Variants in ASCC3 observed in about 807,000 individuals in gnomAD.
The protein encoded by ASCC3 is ASC-1 complex subunit P200.
Under a neutral mutation model 256.3 loss-of-function variants are expected in ASCC3, and 158 were observed. The ratio of observed to expected loss-of-function variants is 0.62; its 90% CI spans 0.54 to 0.70. The LOEUF is 0.70. ASCC3 is among the 30% of genes least tolerant of loss of function. The probability of loss-of-function intolerance (pLI) is 0.00; values close to 1 mark genes in which losing one functional copy is unlikely to be tolerated. For missense variants in ASCC3, 2,259 were observed against 2,626.0 expected, an observed-to-expected ratio of 0.86 and a Z score of 3.05; for synonymous variants, 948 against 883.4, an observed-to-expected ratio of 1.07 and a Z score of -1.30.
chr6:100,848,606 T>C lies in ASCC3; in HGVS notation c.343A>G (p.Ile115Val), dbSNP rs765546342. The change falls in exon 4 of 42, where the codon ATC (isoleucine) becomes GTC (valine). Residue 115 changes from isoleucine (I) to valine (V), a missense_variant. Physicochemically the swap from Ile to Val is conservative, Grantham distance 29. Coordinates refer to ENST00000369162, the MANE Select transcript of ASCC3 (RefSeq NM_006828.4). ...DSVGHKETKA[I>V]KQMFGPFPSS... ...GGAAAGGGGCCAAACATCTGTTTGA[T>C]AGCCTTTGTTTCCTTGTGACCAACA... The C allele has an allele frequency of 1.8e-5, 29 of 1,614,048 alleles. No individual in the cohort carries two copies. The highest frequency in any genetic ancestry group is 8.8e-5 in the South Asian group (8 of 91,082).
At chr6:100,661,755 C>T in intron 16 of ASCC3, 51 bp downstream of exon 16, 2 of 1,559,656 alleles carry the variant, frequency 1.3e-6, no homozygotes, top group Non-Finnish European at 1.8e-6. Context: ...CTTTCTTGGT[C>T]ATTCTTAAGG....
At chr6:100,617,011 G>A (rs1267621842) in intron 30 of ASCC3, among the ~76,000 whole-genome samples, 1 of 151,910 alleles carries the variant, frequency 6.6e-6, no homozygotes, top group Non-Finnish European at 1.5e-5. Context: ...TGTTGTTGTT[G>A]TTGTTGTTGT....
Position 100,679,656 on chromosome 6 carries a change from GA to G in ASCC3, c.2247del (p.Pro750LeufsTer44), listed in dbSNP as rs113743047. 6.2e-7 allele frequency: 1 copy of G among 1,613,480 alleles called. No homozygotes were observed. Among genetic ancestry groups the G allele is most frequent in the Non-Finnish European group, 8.5e-7 (1 of 1,179,678 alleles). ...AKNCGHIPFFFPTQGHDYVLA... is the reference protein window; with the variant it reads ...AKNCGHIPFFXPTQGHDYVLA... Reference sequence around the variant, plus strand: ...AGTACATAGTCATGTCCTTGGGTAGGAAAAAAGAAGGGAATATGGCCACAAT... The same window carrying G: ...AGTACATAGTCATGTCCTTGGGTAGGAAAAAGAAGGGAATATGGCCACAAT... On this transcript the variant is annotated frameshift_variant, in exon 14 of 42. Coordinates refer to ENST00000369162, the MANE Select transcript of ASCC3 (RefSeq NM_006828.4). LOFTEE classifies it high-confidence loss of function.
At chr6:100,518,801 C>T (rs1033308531) in intron 37 of ASCC3, among the ~76,000 whole-genome samples, 3 of 152,036 alleles carry the variant, frequency 2.0e-5, no homozygotes, top group Admixed American at 1.3e-4. Context: ...TAAACAAAGG[C>T]GAAGTTTACA....
intron 4 of ASCC3, among the ~76,000 whole-genome samples, chr6:100,822,311 C>G (rs1771085199): frequency 6.6e-6 from 1 of 152,016 alleles, no homozygotes; most frequent in Non-Finnish European, 1.5e-5. Context: ...CTGAGGCAGG[C>G]AGATCACTTG....
At chr6:100,715,590 T>C in intron 12 of ASCC3, 57 bp from the exon 13 acceptor site, 1 of 1,496,722 alleles carries the variant, frequency 6.7e-7, no homozygotes, top group Admixed American at 1.8e-5. Context: ...ACTTTCTAAC[T>C]ACAAATAAAA....
At chr6:100,836,218 C>T (rs1771867650) in intron 4 of ASCC3, among the ~76,000 whole-genome samples, 2 of 152,020 alleles carry the variant, frequency 1.3e-5, no homozygotes, top group African/African-American at 4.8e-5. Flanking sequence ...TAACTCCTTC[C>T]TTCCCACATT....
At chr6:100,664,457 A>G (rs923826963) in intron 14 of ASCC3, among the ~76,000 whole-genome samples, 1 of 152,034 alleles carries the variant, frequency 6.6e-6, no homozygotes, top group Admixed American at 6.6e-5. Flanking sequence ...AAACCACACC[A>G]TCTAGTGGCC....
At position 100,754,714 on chromosome 6, in the gene ASCC3, G is replaced by C. The variant is rs180768340; in HGVS notation, c.1737+11851C>G. ...TGTTTTGATTTTTAGATCTGATATG[G>C]TATGGCTGTGTCACCACCCAAATCT... On this transcript the variant is annotated intron_variant, in intron 10 of 41. Transcript: ENST00000369162. Among the ~76,000 whole-genome samples the C allele has an allele frequency of 2.5e-3, 383 of 152,084 alleles. 1 individual carries two copies. The highest frequency in any genetic ancestry group is 3.4e-3 in the Middle Eastern group (1 of 294).
chr6:100,864,722 A>G (rs1773398991), intron 2 of ASCC3, among the ~76,000 whole-genome samples: 1 of 152,192 alleles, frequency 6.6e-6, no homozygotes, highest in Non-Finnish European at 1.5e-5. Flanking sequence ...AGACCAGGTG[A>G]GGCATTTGGA....
intron 14 of ASCC3, among the ~76,000 whole-genome samples, chr6:100,672,595 G>A (rs78156066): frequency 5.8e-4 from 89 of 152,188 alleles, no homozygotes; most frequent in Non-Finnish European, 1.0e-3. Context: ...GTTTTCTAGT[G>A]TGTTCACAAA....
At chr6:100,607,349 A>G (rs868584510) in intron 30 of ASCC3, among the ~76,000 whole-genome samples, 1 of 152,016 alleles carries the variant, frequency 6.6e-6, no homozygotes, top group Non-Finnish European at 1.5e-5. Context: ...TAGATAAATG[A>G]TATGTTCTTT....
At chr6:100,605,805 T>G in intron 32 of ASCC3, 105 bp from the exon 33 acceptor site, 1 of 1,280,924 alleles carries the variant, frequency 7.8e-7, no homozygotes, top group Non-Finnish European at 1.1e-6. Flanking sequence ...ACAAAAGAAA[T>G]AGAATATTGT....
At chr6:100,779,263 T>A (rs1236554806) in intron 8 of ASCC3, among the ~76,000 whole-genome samples, 2 of 152,154 alleles carry the variant, frequency 1.3e-5, no homozygotes, top group Non-Finnish European at 2.9e-5. Context: ...AAATTATATT[T>A]TATTTTATTT....
intron 13 of ASCC3, among the ~76,000 whole-genome samples, chr6:100,710,587 CT>C (rs1385560162): frequency 6.6e-6 from 1 of 152,146 alleles, no homozygotes; most frequent in Non-Finnish European, 1.5e-5. Flanking sequence ...CTAAACGCCC[CT>C]AGCCAGCATC....
intron 24 of ASCC3, among the ~76,000 whole-genome samples, chr6:100,640,321 C>T (rs527795837): frequency 6.6e-6 from 1 of 152,176 alleles, no homozygotes; most frequent in South Asian, 2.1e-4. Context: ...TTTCTTGGCT[C>T]ATTTGGGCTC....
intron 2 of ASCC3, among the ~76,000 whole-genome samples, chr6:100,865,953 C>T (rs1417893704): frequency 2.7e-5 from 4 of 148,732 alleles, no homozygotes; most frequent in East Asian, 2.0e-4. Context: ...TAAATAATTT[C>T]ATTTATTTAT....
intron 10 of ASCC3, among the ~76,000 whole-genome samples, chr6:100,755,337 T>C (rs1451599571): frequency 6.6e-6 from 1 of 151,394 alleles, no homozygotes; most frequent in Non-Finnish European, 1.5e-5. Context: ...ATCTCTATTA[T>C]ATATATATTT....
In ASCC3 at chr6:100,607,046, G is replaced by C. The variant is rs1183581208; in HGVS notation, c.4828C>G (p.Leu1610Val). 6.2e-7 allele frequency: 1 copy of C among 1,613,682 alleles called. No individual in the cohort carries two copies. Residue 1610 changes from leucine to valine, a missense_variant, in exon 31 of 42, where the codon CTG becomes GTG. By Grantham distance (32) the Leu-to-Val change is conservative. This residue lies in a region of ASCC3 where 1,839 missense variants were observed against 2,206.7 expected (regional missense o/e 0.83). Transcript: ENST00000369162. ...IATVRDSNLKLTLAFGIGMHH... is the reference protein window; with the variant it reads ...IATVRDSNLKVTLAFGIGMHH... Reference sequence around the variant, plus strand: ...ATTCCTATCCCGAAAGCAAGGGTCAGCTTGAGGTTGGAATCTCTTACTGTT... The same window carrying C: ...ATTCCTATCCCGAAAGCAAGGGTCACCTTGAGGTTGGAATCTCTTACTGTT...
Sources: gnomAD v4.1 joint callset for allele counts (sites outside exome capture counted in the v4.1 genomes callset) on GRCh38, gnomAD v4.1.1 for gene constraint, gnomAD v4.1.1 regional missense constraint, MANE v1.5 for transcripts, NCBI Gene and HGNC (gene_info 2026-07-23, HGNC 2026-07-21) for gene names.